Variants in ADGRL4 observed in about 807,000 individuals in gnomAD.
ADGRL4 encodes the protein EGF, latrophilin and seven transmembrane domain containing 1.
A neutral mutation model predicts 74.8 loss-of-function variants in ADGRL4; 90 were observed. The observed-to-expected ratio is 1.20, with a 90% CI of 1.02 to 1.43. The LOEUF (loss-of-function observed/expected upper bound fraction) is 1.43. Among genes scored for constraint, ADGRL4 ranks in the 40% most tolerant of loss-of-function variants. The pLI is 0.00. For missense variants in ADGRL4, 881 were observed against 814.3 expected (o/e 1.08, Z -1.00); for synonymous variants, 311 against 279.2 (o/e 1.11, Z -1.14).
intron 7 of ADGRL4, among the ~76,000 whole-genome samples, chr1:78,935,448 G>A (rs943972118): frequency 1.3e-5 from 2 of 151,564 alleles, no homozygotes; most frequent in African/African-American, 4.8e-5. Context: ...TGGGTCAATA[G>A]CTGAGGCAAA....
At chr1:78,916,035 G>C (rs1342710226) in intron 12 of ADGRL4, among the ~76,000 whole-genome samples, 1 of 151,744 alleles carries the variant, frequency 6.6e-6, no homozygotes, top group African/African-American at 2.4e-5. Flanking sequence ...AGATAAATTG[G>C]CTCACTAGCT....
intron 2 of ADGRL4, among the ~76,000 whole-genome samples, chr1:78,969,474 A>T (rs950228222): frequency 1.3e-5 from 2 of 152,158 alleles, no homozygotes; most frequent in Non-Finnish European, 2.9e-5. Flanking sequence ...TTATCTTGGG[A>T]CCTTAAGAGA....
At position 78,927,095 on chromosome 1, in the gene ADGRL4, TC is replaced by T; in HGVS notation, c.878-5del. The T allele has an allele frequency of 6.5e-7, 1 of 1,538,230 alleles. No individual in the cohort carries two copies. The highest frequency in any genetic ancestry group is 9.0e-7 in the Non-Finnish European group (1 of 1,114,748). Reference sequence around the variant, plus strand: ...ACAAATGCAACTGCAACATTGCCTATCAATCAAATAAGTATATTTAGTGAAA... The same window carrying T: ...ACAAATGCAACTGCAACATTGCCTATAATCAAATAAGTATATTTAGTGAAA... On this transcript the variant is annotated splice_polypyrimidine_tract_variant and splice_region_variant and intron_variant, in intron 7 of 14. Coordinates refer to ENST00000370742, the MANE Select transcript of ADGRL4 (RefSeq NM_022159.4).
intron 2 of ADGRL4, among the ~76,000 whole-genome samples, chr1:78,994,452 A>C (rs1570277958): frequency 6.6e-6 from 1 of 152,216 alleles, no homozygotes; most frequent in African/African-American, 2.4e-5. Context: ...CGCATTTTGC[A>C]GACTGAATTT....
chr1:78,941,866 A>G (rs568932245), intron 3 of ADGRL4, among the ~76,000 whole-genome samples: 1 of 152,168 alleles, frequency 6.6e-6, no homozygotes, highest in African/African-American at 2.4e-5. Flanking sequence ...TGACTATAAC[A>G]CTTATGAGCT....
intron 2 of ADGRL4, among the ~76,000 whole-genome samples, chr1:79,000,506 A>T (rs1359786200): frequency 6.6e-6 from 1 of 152,188 alleles, no homozygotes; most frequent in East Asian, 1.9e-4. Flanking sequence ...ATATTAACCT[A>T]AAGAAAGTTT....
chr1:78,947,022 A>G (rs1649614743), intron 2 of ADGRL4, among the ~76,000 whole-genome samples: 1 of 152,208 alleles, frequency 6.6e-6, no homozygotes, highest in Admixed American at 6.5e-5. Flanking sequence ...CTTACAATAT[A>G]ATTTATCAGG....
intron 2 of ADGRL4, among the ~76,000 whole-genome samples, chr1:78,983,420 G>A (rs1250080662): frequency 6.7e-6 from 1 of 150,300 alleles, no homozygotes; most frequent in Non-Finnish European, 1.5e-5. Flanking sequence ...AGACTCAAGA[G>A]TTTAAGAGAA....
At chr1:78,973,082 T>G (rs184590487) in intron 2 of ADGRL4, among the ~76,000 whole-genome samples, 1 of 152,334 alleles carries the variant, frequency 6.6e-6, no homozygotes, top group East Asian at 1.9e-4. Context: ...TTAACTCCTT[T>G]GTTTTCCTTC....
intron 12 of ADGRL4, among the ~76,000 whole-genome samples, chr1:78,896,957 C>T (rs1648412106): frequency 6.6e-6 from 1 of 152,116 alleles, no homozygotes; most frequent in Admixed American, 6.6e-5. Flanking sequence ...TGAATTTGGG[C>T]ACTAAGATAT....
At chr1:78,964,444 C>T (rs1650015619) in intron 2 of ADGRL4, among the ~76,000 whole-genome samples, 1 of 152,162 alleles carries the variant, frequency 6.6e-6, no homozygotes, top group Non-Finnish European at 1.5e-5. Context: ...AAGTTGTTTA[C>T]ATCCCCATAT....
chr1:78,935,919 C>G lies in ADGRL4; in HGVS notation c.877+376G>C, dbSNP rs372765861. 2.2e-3 allele frequency among the ~76,000 whole-genome samples: 56 copies of G among 26,016 alleles called. 21 individuals are homozygous for G. The highest frequency in any genetic ancestry group is 5.0e-3 in the African/African-American group (51 of 10,196). 17.1% of individuals were successfully genotyped at this position (26,016 alleles called of 152,430 possible). A position where few individuals can be genotyped will look rare whatever the true frequency, so the allele number is the denominator to read the frequency against. ...CGGGCGGATCACGAGGTCAGGAGAT[C>G]GAGACCATCCTGGCTAACACGGTGA... On this transcript the variant is annotated intron_variant, in intron 7 of 14. Coordinates refer to ENST00000370742, the MANE Select transcript of ADGRL4 (RefSeq NM_022159.4).
chr1:78,939,335 AT>A, intron 3 of ADGRL4, 77 bp from the exon 4 acceptor site: 2 of 1,264,632 alleles, frequency 1.6e-6, no homozygotes, highest in Non-Finnish European at 2.1e-6. Context: ...AATCCCAATG[AT>A]CTTTCTCACT....
At chr1:79,001,645 G>A (rs939693909) in intron 2 of ADGRL4, among the ~76,000 whole-genome samples, 1 of 151,976 alleles carries the variant, frequency 6.6e-6, no homozygotes, top group African/African-American at 2.4e-5. Flanking sequence ...GACTAACTTT[G>A]GTGAGCAGAC....
At position 78,988,621 on chromosome 1, in the gene ADGRL4, G is replaced by T. The variant is rs537020856; in HGVS notation, c.172+16449C>A. 4.6e-5 allele frequency among the ~76,000 whole-genome samples: 7 copies of T among 151,914 alleles called. No homozygotes were observed. The South Asian group carries it at 1.5e-3, about 31-fold the overall frequency. ...CTCAACAGCCATGGAACAGAACCCT[G>T]ACAGAGTAATTCCAGTCATCCCTCT... On this transcript the variant is annotated intron_variant, in intron 2 of 14. Coordinates refer to ENST00000370742, the MANE Select transcript of ADGRL4 (RefSeq NM_022159.4).
At chr1:78,978,822 G>A (rs115489169) in intron 2 of ADGRL4, among the ~76,000 whole-genome samples, 2,271 of 152,044 alleles carry the variant, frequency 0.015, 60 homozygotes, top group African/African-American at 0.052. Flanking sequence ...AAGTTTGGAG[G>A]CAGAACTAAA....
intron 2 of ADGRL4, among the ~76,000 whole-genome samples, chr1:78,990,253 CTAAG>C (rs1182905440): frequency 6.6e-6 from 1 of 151,744 alleles, no homozygotes; most frequent in Non-Finnish European, 1.5e-5. Context: ...ATTGTACTCT[CTAAG>C]TGTGTCATAT....
At chr1:78,975,272 T>C (rs568139470) in intron 2 of ADGRL4, among the ~76,000 whole-genome samples, 1 of 152,116 alleles carries the variant, frequency 6.6e-6, no homozygotes, top group Non-Finnish European at 1.5e-5. Context: ...AAGAAAGTAT[T>C]AATTACTGCT....
chr1:78,994,433 C>T (rs569696279), intron 2 of ADGRL4, among the ~76,000 whole-genome samples: 35 of 152,174 alleles, frequency 2.3e-4, no homozygotes, highest in African/African-American at 8.2e-4. Context: ...ATCAACAAAC[C>T]AGAATTGTCG....
Sources: allele counts gnomAD v4.1 joint callset (sites outside exome capture counted in the v4.1 genomes callset), GRCh38; gene constraint gnomAD v4.1.1; transcripts MANE v1.5; gene names NCBI Gene and HGNC (gene_info 2026-07-23, HGNC 2026-07-21).